Variants in APAF1 observed in about 807,000 individuals in gnomAD.
The protein encoded by APAF1 is apoptotic peptidase activating factor 1.
A neutral mutation model predicts 152.4 loss-of-function variants in APAF1; 91 were observed. The observed-to-expected ratio is 0.60, with a 90% CI of 0.50 to 0.71. The LOEUF is 0.71. Ranked by LOEUF, APAF1 falls within the 30% of genes least tolerant of loss-of-function variation. The pLI is 0.00. For missense variants in APAF1, 1,283 were observed against 1,472.0 expected (o/e 0.87, Z 2.10); for synonymous variants, 484 against 494.1 (o/e 0.98, Z 0.27).
chr12:98,707,448 TC>T (rs1298844889), intron 19 of APAF1, among the ~76,000 whole-genome samples: 1 of 152,212 alleles, frequency 6.6e-6, no homozygotes, highest in Non-Finnish European at 1.5e-5. Flanking sequence ...CTTAATGCCA[TC>T]TAATTCTATG....
intron 1 of APAF1, among the ~76,000 whole-genome samples, chr12:98,646,609 C>CA (rs1394069637): frequency 6.6e-6 from 1 of 152,140 alleles, no homozygotes; most frequent in African/African-American, 2.4e-5. Flanking sequence ...GCAAATGACT[C>CA]AATCTTTTCT....
At chr12:98,678,619 A>C (rs901711399) in intron 13 of APAF1, among the ~76,000 whole-genome samples, 5 of 152,212 alleles carry the variant, frequency 3.3e-5, no homozygotes, top group African/African-American at 1.2e-4. Flanking sequence ...TAGCTGCCCA[A>C]GCGGTGGCTG....
At chr12:98,687,511 G>A (rs1396786179) in intron 16 of APAF1, among the ~76,000 whole-genome samples, 1 of 151,984 alleles carries the variant, frequency 6.6e-6, no homozygotes, top group Non-Finnish European at 1.5e-5. Flanking sequence ...AATTTATGTT[G>A]TGCTTCTATA....
intron 22 of APAF1, among the ~76,000 whole-genome samples, chr12:98,722,079 C>T (rs913908652): frequency 6.6e-6 from 1 of 152,186 alleles, no homozygotes; most frequent in Non-Finnish European, 1.5e-5. Context: ...TCTTCTGCGT[C>T]TCCTATGCTC....
At chr12:98,719,631 C>T (rs1197504127) in intron 22 of APAF1, among the ~76,000 whole-genome samples, 3 of 151,930 alleles carry the variant, frequency 2.0e-5, no homozygotes, top group East Asian at 3.9e-4. Flanking sequence ...GGATTACAAG[C>T]GTAAGCCACC....
At chr12:98,727,544 CTCA>C (rs2097752319) in intron 26 of APAF1, among the ~76,000 whole-genome samples, 1 of 33,430 alleles carries the variant, frequency 3.0e-5, no homozygotes. Flanking sequence ...GACATCCTGT[CTCA>C]AAAAAAAAAA....
At chr12:98,706,937 A>G (rs376709239) in intron 19 of APAF1, among the ~76,000 whole-genome samples, 5 of 152,268 alleles carry the variant, frequency 3.3e-5, no homozygotes, top group African/African-American at 1.2e-4. Context: ...ATTACTTGCC[A>G]ATTCTGAGAG....
chr12:98,661,043 A>G (rs949664101), intron 5 of APAF1, among the ~76,000 whole-genome samples: 1 of 152,180 alleles, frequency 6.6e-6, no homozygotes, highest in Non-Finnish European at 1.5e-5. Flanking sequence ...CTGGGACTAC[A>G]GGCTCCCCAC....
intron 1 of APAF1, among the ~76,000 whole-genome samples, chr12:98,647,365 T>A (rs2097642585): frequency 6.6e-6 from 1 of 151,898 alleles, no homozygotes; most frequent in Admixed American, 6.6e-5. Context: ...TATATTCATA[T>A]GATACCAACA....
chr12:98,650,540 C>T (rs1003156612), intron 4 of APAF1, among the ~76,000 whole-genome samples: 2 of 150,600 alleles, frequency 1.3e-5, no homozygotes, highest in African/African-American at 2.4e-5. Flanking sequence ...ACATGATCTA[C>T]GGTTAAGACA....
chr12:98,661,734 G>T (rs910872487), intron 5 of APAF1, among the ~76,000 whole-genome samples: 9 of 151,998 alleles, frequency 5.9e-5, no homozygotes, highest in Admixed American at 5.2e-4. Flanking sequence ...CTCCCAAAGT[G>T]CTGGGATTAC....
intron 23 of APAF1, 71 bp downstream of exon 23, chr12:98,723,383 A>T: frequency 6.6e-7 from 1 of 1,523,340 alleles, no homozygotes; most frequent in Non-Finnish European, 9.1e-7. Flanking sequence ...GAGACAGTCA[A>T]AAGCCACTGT....
intron 21 of APAF1, among the ~76,000 whole-genome samples, chr12:98,714,126 T>C (rs2097731275): frequency 1.3e-5 from 2 of 152,240 alleles, no homozygotes; most frequent in Non-Finnish European, 2.9e-5. Context: ...TTATTTATTC[T>C]TAAAGAGTCC....
At chr12:98,702,691 G>T (rs976170850) in intron 17 of APAF1, among the ~76,000 whole-genome samples, 1 of 151,894 alleles carries the variant, frequency 6.6e-6, no homozygotes, top group Non-Finnish European at 1.5e-5. Flanking sequence ...TGGGCGTGGT[G>T]GTGCATGCCT....
intron 7 of APAF1, among the ~76,000 whole-genome samples, chr12:98,665,279 T>TATA (rs1491328899): frequency 3.6e-3 from 233 of 65,576 alleles, no homozygotes; most frequent in Middle Eastern, 7.5e-3. Context: ...TATATATATA[T>TATA]TTTTTTTTTT....
chr12:98,673,443 A>AG (rs1406461852), intron 12 of APAF1, among the ~76,000 whole-genome samples: 10 of 112,874 alleles, frequency 8.9e-5, no homozygotes, highest in African/African-American at 3.1e-4. Context: ...CTCAAAAAAC[A>AG]AAAAAAAAAA....
At chr12:98,725,365 C>T (rs1405090486) in intron 24 of APAF1, 50 bp from the exon 25 acceptor site, 1 of 1,611,720 alleles carries the variant, frequency 6.2e-7, no homozygotes, top group African/African-American at 1.3e-5. Context: ...AAGGCAGATG[C>T]TTATTTTGAG....
At chr12:98,731,986 C>T (rs1321365502) in intron 26 of APAF1, among the ~76,000 whole-genome samples, 1 of 152,128 alleles carries the variant, frequency 6.6e-6, no homozygotes, top group African/African-American at 2.4e-5. Context: ...TTTCCTGTAG[C>T]CCATATTATG....
At position 98,706,574 on chromosome 12, in the gene APAF1, A is replaced by ATT; in HGVS notation, c.2686_2687insTT (p.Ser896PhefsTer4). ...GTGTGATGTTTTCTCCTGATGGATC[A>ATT]TCATTTTTGACATCTTCTGATGACC... is the stretch of plus-strand genomic sequence containing the variant. On this transcript the variant is annotated frameshift_variant, in exon 19 of 27. Coordinates refer to ENST00000551964, the MANE Select transcript of APAF1 (RefSeq NM_181861.2). LOFTEE classifies it high-confidence loss of function. The ATT allele has an allele frequency of 1.2e-6, 2 of 1,614,066 alleles. No individual in the cohort carries two copies. Among genetic ancestry groups the ATT allele is most frequent in the Non-Finnish European group, 1.7e-6 (2 of 1,179,934 alleles).
Sources: allele counts gnomAD v4.1 joint callset (sites outside exome capture counted in the v4.1 genomes callset), GRCh38; gene constraint gnomAD v4.1.1; transcripts MANE v1.5; gene names NCBI Gene and HGNC (gene_info 2026-07-23, HGNC 2026-07-21).